CCDC85A: variants seen among roughly 807,000 people sequenced by gnomAD.
CCDC85A encodes the protein coiled-coil domain containing 85A.
A neutral mutation model predicts 50.2 loss-of-function variants in CCDC85A; 38 were observed. The observed-to-expected ratio is 0.76, with a 90% CI of 0.58 to 0.99. The LOEUF (loss-of-function observed/expected upper bound fraction) is 0.99, where lower values mean the gene tolerates loss of function less well. CCDC85A is among the 50% of genes least tolerant of loss of function. The pLI is 0.00. For missense variants in CCDC85A, 820 were observed against 742.0 expected (o/e 1.11, Z -1.22); for synonymous variants, 366 against 301.4 (o/e 1.21, Z -2.22).
chr2:56,264,873 G>A (rs1372843256), intron 2 of CCDC85A, among the ~76,000 whole-genome samples: 1 of 152,138 alleles, frequency 6.6e-6, no homozygotes, highest in Non-Finnish European at 1.5e-5. Context: ...GTAGGCCCTT[G>A]CATGTGCTTT....
chr2:56,326,180 A>T (rs1673462675), intron 2 of CCDC85A, among the ~76,000 whole-genome samples: 1 of 152,094 alleles, frequency 6.6e-6, no homozygotes, highest in African/African-American at 2.4e-5. Flanking sequence ...ACCTCAGGTT[A>T]AGTCCAGAAA....
At chr2:56,368,374 C>G (rs1675910459) in intron 3 of CCDC85A, among the ~76,000 whole-genome samples, 1 of 152,156 alleles carries the variant, frequency 6.6e-6, no homozygotes, top group East Asian at 1.9e-4. Context: ...CTAATCAGAG[C>G]TTTTATTTAT....
chr2:56,311,509 G>T lies in CCDC85A; in HGVS notation c.1241-31370G>T, dbSNP rs533158481. ...ATACTTTAAGTTTTAGGGTACATGT[G>T]CACAATGTGCAGGTTTGTTACATAT... On this transcript the variant is annotated intron_variant, in intron 2 of 5. Transcript: ENST00000407595. Among the ~76,000 whole-genome samples, 7 of 151,008 alleles carry T rather than the reference G, an allele frequency of 4.6e-5. No individual in the cohort carries two copies. In the East Asian group the frequency reaches 1.4e-3, roughly 30 times the overall value.
chr2:56,222,288 T>C (rs901031644), intron 2 of CCDC85A, among the ~76,000 whole-genome samples: 39 of 152,274 alleles, frequency 2.6e-4, no homozygotes, highest in African/African-American at 8.9e-4. Flanking sequence ...TAAAAAATGA[T>C]TCCCAATTTA....
intron 2 of CCDC85A, among the ~76,000 whole-genome samples, chr2:56,322,576 A>T (rs1272265760): frequency 6.6e-6 from 1 of 152,206 alleles, no homozygotes; most frequent in East Asian, 1.9e-4. Context: ...GAGAAATGCA[A>T]ACCAAAACCA....
intron 2 of CCDC85A, among the ~76,000 whole-genome samples, chr2:56,194,053 C>T (rs1260181332): frequency 3.9e-5 from 6 of 152,174 alleles, no homozygotes; most frequent in African/African-American, 1.2e-4. Flanking sequence ...GCATCTAAAA[C>T]GCATCAGCTG....
At chr2:56,292,330 G>T (rs928256133) in intron 2 of CCDC85A, among the ~76,000 whole-genome samples, 4 of 152,026 alleles carry the variant, frequency 2.6e-5, no homozygotes, top group Non-Finnish European at 5.9e-5. Flanking sequence ...TGATCCACCC[G>T]CCTCGGCCTC....
chr2:56,325,561 T>C (rs573066108), intron 2 of CCDC85A, among the ~76,000 whole-genome samples: 19 of 152,290 alleles, frequency 1.2e-4, no homozygotes, highest in Non-Finnish European at 2.1e-4. Flanking sequence ...GTCATGACTT[T>C]AAATTGAACA....
chr2:56,257,421 G>A (rs968320203), intron 2 of CCDC85A, among the ~76,000 whole-genome samples: 5 of 152,104 alleles, frequency 3.3e-5, no homozygotes, highest in Non-Finnish European at 1.5e-5. Context: ...TGTTATGGTG[G>A]GATAGTGAAA....
chr2:56,328,967 A>G (rs1313711576), intron 2 of CCDC85A, among the ~76,000 whole-genome samples: 1 of 152,170 alleles, frequency 6.6e-6, no homozygotes, highest in East Asian at 1.9e-4. Flanking sequence ...ATGTTGCCAC[A>G]GTACACCACA....
intron 2 of CCDC85A, among the ~76,000 whole-genome samples, chr2:56,296,444 A>G (rs1284519725): frequency 6.6e-6 from 1 of 152,156 alleles, no homozygotes; most frequent in Non-Finnish European, 1.5e-5. Context: ...TTTGAAGCCT[A>G]TGTAAGCCTG....
intron 2 of CCDC85A, among the ~76,000 whole-genome samples, chr2:56,246,641 A>G (rs777994527): frequency 6.6e-6 from 1 of 152,130 alleles, no homozygotes; most frequent in Non-Finnish European, 1.5e-5. Context: ...TCTCCATTGA[A>G]TTGCCTTGAC....
chr2:56,220,415 T>C (rs1268798566), intron 2 of CCDC85A, among the ~76,000 whole-genome samples: 13 of 152,052 alleles, frequency 8.5e-5, no homozygotes, highest in Non-Finnish European at 1.3e-4. Context: ...GAGAACAAGA[T>C]GTGATTATTT....
chr2:56,291,840 G>A (rs1671724535), intron 2 of CCDC85A, among the ~76,000 whole-genome samples: 1 of 143,210 alleles, frequency 7.0e-6, no homozygotes, highest in African/African-American at 2.6e-5. Flanking sequence ...CTGTGAGAAC[G>A]TTCACGCTGA....
chr2:56,372,560 G>C, intron 4 of CCDC85A, 82 bp downstream of exon 4: 4 of 1,361,312 alleles, frequency 2.9e-6, no homozygotes, highest in South Asian at 3.8e-5. Context: ...GTTATACTGG[G>C]GGGTAGAAAA....
In CCDC85A at chr2:56,194,198, G is replaced by T. The variant is rs144929666; in HGVS notation, c.1240+758G>T. Among the ~76,000 whole-genome samples the T allele has an allele frequency of 9.5e-3, 1,452 of 152,340 alleles. 14 individuals carry two copies. The highest frequency in any genetic ancestry group is 0.027 in the Middle Eastern group (8 of 294). On this transcript the variant is annotated intron_variant, in intron 2 of 5. Coordinates refer to ENST00000407595, the MANE Select transcript of CCDC85A (RefSeq NM_001080433.2). ...TGAAAGTACCTTTTTAAAATGTACA[G>T]ATGTGTTTGGACACTCTTTTGGTTT...
Position 56,192,596 on chromosome 2 carries a change from C to T in CCDC85A, c.396C>T (p.Tyr132=). ...GGGAGTGGCAGAGACTGGGTCGCTA[C>T]ACTGCCGGGGTGATGCACAAGGAAG... ...VSREWQRLGR[Y]TAGVMHKEVA... Residue 132 remains tyrosine, a synonymous_variant, in exon 2 of 6, where the codon TAC becomes TAT. Transcript: ENST00000407595. The surrounding 1 kb of genome is among the most constrained non-coding windows in gnomAD (Gnocchi z 4.7). 6.2e-7 allele frequency: 1 copy of T among 1,613,944 alleles called. No individual in the cohort carries two copies. The highest frequency in any genetic ancestry group is 8.5e-7 in the Non-Finnish European group (1 of 1,179,862).
chr2:56,314,613 G>C (rs1672839151), intron 2 of CCDC85A, among the ~76,000 whole-genome samples: 1 of 151,418 alleles, frequency 6.6e-6, no homozygotes. Flanking sequence ...GAAACTGATT[G>C]ACCATGGAAT....
At chr2:56,339,563 C>G (rs1558648635) in intron 2 of CCDC85A, among the ~76,000 whole-genome samples, 1 of 152,204 alleles carries the variant, frequency 6.6e-6, no homozygotes, top group Non-Finnish European at 1.5e-5. Flanking sequence ...TCAAATTTCA[C>G]CTGACTCAAT....
Sources: gnomAD v4.1 joint callset for allele counts (sites outside exome capture counted in the v4.1 genomes callset) on GRCh38, gnomAD v4.1.1 for gene constraint, Gnocchi (gnomAD v3.1) non-coding constraint, MANE v1.5 for transcripts, NCBI Gene and HGNC (gene_info 2026-07-23, HGNC 2026-07-21) for gene names.